ZNF157: variants seen among roughly 807,000 people sequenced by gnomAD.
The protein encoded by ZNF157 is zinc finger protein 157.
ZNF157 carries 8 observed loss-of-function variants against 9.4 expected under a neutral mutation model. The ratio of observed to expected loss-of-function variants is 0.85; its 90% CI spans 0.50 to 1.53. The LOEUF (loss-of-function observed/expected upper bound fraction) is 1.53. ZNF157 is among the 40% of genes most tolerant of loss of function. The probability of loss-of-function intolerance (pLI) is 0.00; values close to 1 mark genes in which losing one functional copy is unlikely to be tolerated. For synonymous variants in ZNF157, 120 were observed against 130.8 expected, an observed-to-expected ratio of 0.92 and a Z score of 0.56; for missense variants, 316 against 385.2, an observed-to-expected ratio of 0.82 and a Z score of 1.50.
intron 3 of ZNF157, among the ~76,000 whole-genome samples, chrX:47,412,021 C>T (rs1046293305): frequency 2.7e-5 from 3 of 111,530 alleles, no homozygotes; most frequent in Non-Finnish European, 5.7e-5. Context: ...TACAGTGGTG[C>T]GATCTCAGCT....
Position 47,410,544 on chromosome X carries a change from G to C in ZNF157, c.200-136G>C, listed in dbSNP as rs145302038. The C allele has an allele frequency of 5.3e-6, 5 of 947,888 alleles. No individual in the cohort carries two copies. In the South Asian group the frequency reaches 1.2e-4, roughly 22 times the overall value. The allele number at this position is 947,888 out of a possible 1,213,427, so 78.1% of individuals were successfully genotyped here. ...TTAGGGCACCAGAAAAAATGTGTGC[G>C]TTCTTACTTCCCCAATGAAAGGTTT... On this transcript the variant is annotated intron_variant, in intron 2 of 3. Transcript: ENST00000377073.
At chrX:47,392,082 G>C (rs1569258357) in intron 1 of ZNF157, among the ~76,000 whole-genome samples, 2 of 109,380 alleles carry the variant, frequency 1.8e-5, no homozygotes, top group Non-Finnish European at 1.9e-5. Flanking sequence ...GTAGAGACAG[G>C]GTTTCACCGT....
chrX:47,392,877 C>T (rs780823632), intron 1 of ZNF157, among the ~76,000 whole-genome samples: 4 of 111,554 alleles, frequency 3.6e-5, no homozygotes, highest in Non-Finnish European at 5.6e-5. Flanking sequence ...CTGTTGAGGC[C>T]GGGCATGGTG....
chrX:47,398,919 G>A (rs750760806), intron 1 of ZNF157, among the ~76,000 whole-genome samples: 6 of 111,629 alleles, frequency 5.4e-5, no homozygotes, highest in Admixed American at 9.6e-5. Context: ...CAATCTGCCC[G>A]CCTCAGCCTC....
At chrX:47,373,059 G>A (rs2055833276) in intron 1 of ZNF157, among the ~76,000 whole-genome samples, 2 of 92,115 alleles carry the variant, frequency 2.2e-5, no homozygotes, top group South Asian at 1.1e-3. Context: ...ATTTAGCTGG[G>A]TGTGGTGGCG....
intron 1 of ZNF157, among the ~76,000 whole-genome samples, chrX:47,399,524 A>T (rs2055924245): frequency 8.9e-6 from 1 of 112,049 alleles, no homozygotes; most frequent in Non-Finnish European, 1.9e-5. Context: ...ATCCTCCCCC[A>T]TCACCTTTAC....
In ZNF157 at chrX:47,413,258, C is replaced by T; in HGVS notation, c.1185C>T (p.Phe395=). ...PYECNECGNA[F]YVKARLIEHQ... ...AATGTAATGAGTGTGGTAATGCTTTCTATGTGAAAGCACGCCTAATTGAAC... is the reference window on the plus strand; with the variant it reads ...AATGTAATGAGTGTGGTAATGCTTTTTATGTGAAAGCACGCCTAATTGAAC... Residue 395 remains phenylalanine, a synonymous_variant, in exon 4 of 4, where the codon TTC becomes TTT. Transcript: ENST00000377073. 8.3e-7 allele frequency: 1 copy of T among 1,211,444 alleles called. No homozygotes were observed.
intron 1 of ZNF157, among the ~76,000 whole-genome samples, chrX:47,404,686 G>A (rs138495094): frequency 0.016 from 1,727 of 111,327 alleles, 31 homozygotes; most frequent in African/African-American, 0.049. Flanking sequence ...CATAATGCCA[G>A]TCTAGATATC....
intron 1 of ZNF157, among the ~76,000 whole-genome samples, chrX:47,401,152 T>C (rs1344168968): frequency 8.9e-6 from 1 of 112,258 alleles, no homozygotes; most frequent in African/African-American, 3.2e-5. Context: ...TATTAGAATG[T>C]TTCTCTGACA....
intron 1 of ZNF157, among the ~76,000 whole-genome samples, chrX:47,373,744 G>A (rs1409556859): frequency 2.0e-5 from 2 of 100,960 alleles, no homozygotes; most frequent in East Asian, 3.1e-4. Flanking sequence ...TCTCTCTGTC[G>A]CCCAGGCTGG....
chrX:47,402,119 C>G, intron 1 of ZNF157, among the ~76,000 whole-genome samples: 1 of 111,540 alleles, frequency 9.0e-6, no homozygotes, highest in Non-Finnish European at 1.9e-5. Flanking sequence ...ATTGCTTTGG[C>G]TGTTCGAGGC....
intron 1 of ZNF157, among the ~76,000 whole-genome samples, chrX:47,381,989 C>T (rs1400917921): frequency 8.9e-6 from 1 of 111,758 alleles, no homozygotes; most frequent in Non-Finnish European, 1.9e-5. Flanking sequence ...TCCACTGATT[C>T]GGTTCGGAAA....
rs1602773937 is a variant in ZNF157, at chrX:47,407,725, C to T, written c.73-2551C>T. Reference sequence around the variant, plus strand: ...TTTTTTTTTGAGATGGAGCTTGGCTCACTGCAACCTCCACCTCCCGGGTTC... The same window carrying T: ...TTTTTTTTTGAGATGGAGCTTGGCTTACTGCAACCTCCACCTCCCGGGTTC... On this transcript the variant is annotated intron_variant, in intron 1 of 3. Coordinates refer to ENST00000377073, the MANE Select transcript of ZNF157 (RefSeq NM_003446.4). Among the ~76,000 whole-genome samples the T allele has an allele frequency of 2.7e-5, 3 of 109,546 alleles. No individual in the cohort carries two copies. In the South Asian group the frequency reaches 1.2e-3, roughly 43 times the overall value.
chrX:47,376,406 G>A (rs1402028984), intron 1 of ZNF157, among the ~76,000 whole-genome samples: 1 of 111,817 alleles, frequency 8.9e-6, no homozygotes, highest in Admixed American at 9.6e-5. Flanking sequence ...CCTGAAGTCA[G>A]GAGTTCGAGA....
At chrX:47,380,211 A>G (rs2055857302) in intron 1 of ZNF157, among the ~76,000 whole-genome samples, 1 of 110,671 alleles carries the variant, frequency 9.0e-6, no homozygotes, top group African/African-American at 3.3e-5. Flanking sequence ...CTCAGAAAAA[A>G]GAATTTGAGG....
At chrX:47,372,240 C>A (rs2055830998) in intron 1 of ZNF157, among the ~76,000 whole-genome samples, 1 of 110,146 alleles carries the variant, frequency 9.1e-6, no homozygotes, top group Admixed American at 9.8e-5. Flanking sequence ...GGTTGGGACC[C>A]TCCAACCACC....
intron 1 of ZNF157, among the ~76,000 whole-genome samples, chrX:47,397,241 C>CTTTTTTTTTTT (rs769178786): frequency 1.3e-5 from 1 of 77,786 alleles, no homozygotes; most frequent in Admixed American, 1.5e-4. Context: ...TTTTTTCTTT[C>CTTTTTTTTTTT]TTTTTTTTTT....
intron 1 of ZNF157, among the ~76,000 whole-genome samples, chrX:47,395,975 A>G (rs1267818110): frequency 9.0e-6 from 1 of 111,548 alleles, no homozygotes; most frequent in African/African-American, 3.3e-5. Context: ...CAAAAAATGA[A>G]TATTGTACTA....
intron 1 of ZNF157, among the ~76,000 whole-genome samples, chrX:47,376,572 C>T (rs976114482): frequency 4.5e-5 from 5 of 111,110 alleles, no homozygotes. Context: ...GCCACGATCG[C>T]GTCATTGTAC....
Sources: gnomAD v4.1 joint callset for allele counts (sites outside exome capture counted in the v4.1 genomes callset) on GRCh38, gnomAD v4.1.1 for gene constraint, MANE v1.5 for transcripts, NCBI Gene and HGNC (gene_info 2026-07-23, HGNC 2026-07-21) for gene names.